FBXO8: variants seen among roughly 807,000 people sequenced by gnomAD.
The protein encoded by FBXO8 is F-box only protein 8.
Under a neutral mutation model 33.4 loss-of-function variants are expected in FBXO8, and 15 were observed. The ratio of observed to expected loss-of-function variants is 0.45; its 90% confidence interval spans 0.30 to 0.69. The LOEUF (loss-of-function observed/expected upper bound fraction) is 0.69. FBXO8 is among the 30% of genes least tolerant of loss of function. FBXO8 has a pLI of 0.08. For missense variants in FBXO8, 274 were observed against 380.3 expected, an observed-to-expected ratio of 0.72 and a Z score of 2.32; for synonymous variants, 132 against 131.5, an observed-to-expected ratio of 1.00 and a Z score of -0.02.
rs115054516 is a variant in FBXO8 at position 174,255,245 on chromosome 4, C to G, written c.456+4454G>C. 0.011 allele frequency among the ~76,000 whole-genome samples: 1,695 copies of G among 152,252 alleles called. 27 individuals carry two copies. Among genetic ancestry groups the G allele is most frequent in the African/African-American group, 0.038 (1,567 of 41,546 alleles). ...TAGAAGTTAAAGTTATTTTTCACCACTGTTGCTACGCTATGAAGTAATGGT... is the reference window on the plus strand; with the variant it reads ...TAGAAGTTAAAGTTATTTTTCACCAGTGTTGCTACGCTATGAAGTAATGGT... On this transcript the variant is annotated intron_variant, in intron 3 of 5. Coordinates refer to ENST00000393674, the MANE Select transcript of FBXO8 (RefSeq NM_012180.3). The surrounding 1 kb of genome is among the most constrained non-coding windows in gnomAD (Gnocchi z 4.3).
intron 1 of FBXO8, among the ~76,000 whole-genome samples, chr4:174,264,535 T>C (rs534571291): frequency 1.3e-5 from 2 of 152,264 alleles, no homozygotes; most frequent in South Asian, 4.1e-4. Context: ...CGGTCATTTG[T>C]TGATTAAAAC....
rs78658806 is a variant in FBXO8, at chr4:174,245,386, G to A, written c.457-4168C>T. Among the ~76,000 whole-genome samples the A allele has an allele frequency of 1.3e-5, 2 of 151,846 alleles. No individual in the cohort carries two copies. Among genetic ancestry groups the A allele is most frequent in the African/African-American group, 4.8e-5 (2 of 41,388 alleles). ...GGGGTTTAGACAAGGAATTTAAGGG[G>A]TTTAGACAGCTCTGAATGAGGGGAA... On this transcript the variant is annotated intron_variant, in intron 3 of 5. Transcript: ENST00000393674. The surrounding 1 kb of genome is among the most constrained non-coding windows in gnomAD (Gnocchi z 4.6).
At position 174,259,729 on chromosome 4, in the gene FBXO8, GCCTTCAT is replaced by G; in HGVS notation, c.419_425del (p.Asp140AlafsTer13). The G allele has an allele frequency of 6.2e-7, 1 of 1,611,784 alleles. No individual in the cohort carries two copies. On this transcript the variant is annotated frameshift_variant, in exon 3 of 6. Coordinates refer to ENST00000393674, the MANE Select transcript of FBXO8 (RefSeq NM_012180.3). LOFTEE classifies it high-confidence loss of function. This position sits in a 1 kb window ranked among gnomAD's most constrained non-coding sequence, Gnocchi z 4.3. Reference sequence around the variant, plus strand: ...CTGGGTTGGCATTAAAGGTGAGGCTGCCTTCATCCAGCTGCATATACAATTTTCTAAA... The same window carrying G: ...CTGGGTTGGCATTAAAGGTGAGGCTGCCAGCTGCATATACAATTTTCTAAA...
Position 174,245,683 on chromosome 4 carries a change from G to A in FBXO8, c.457-4465C>T, listed in dbSNP as rs1736142192. Among the ~76,000 whole-genome samples, 1 of 151,786 alleles carries A rather than the reference G, an allele frequency of 6.6e-6. No individual in the cohort carries two copies. The highest frequency in any genetic ancestry group is 2.1e-4 in the South Asian group (1 of 4,816). On this transcript the variant is annotated intron_variant, in intron 3 of 5. Transcript: ENST00000393674. The surrounding 1 kb of genome is among the most constrained non-coding windows in gnomAD (Gnocchi z 4.6). ...TGGCAGCAATATAAAGATAAATAAT[G>A]AAAGAAAAATTAGATAGTGGGCTAT...
At chr4:174,273,354 A>G (rs1579038003) in intron 1 of FBXO8, among the ~76,000 whole-genome samples, 1 of 135,174 alleles carries the variant, frequency 7.4e-6, no homozygotes, top group Admixed American at 7.1e-5. Context: ...AAAAGAAAAA[A>G]GGTGGAAGAA....
At position 174,283,626 on chromosome 4, in the gene FBXO8, C is replaced by T. The variant is rs1230922771; in HGVS notation, c.-225G>A. On this transcript the variant is annotated 5_prime_UTR_variant, in exon 1 of 6. Transcript: ENST00000393674. The surrounding 1 kb of genome is among the most constrained non-coding windows in gnomAD (Gnocchi z 6.7). ...CTCAGGGTACCTCCAGCTGCAGGGGCCAGAACTGCCGACTATCCCAATTTT... is the reference window on the plus strand; with the variant it reads ...CTCAGGGTACCTCCAGCTGCAGGGGTCAGAACTGCCGACTATCCCAATTTT... 2.0e-5 allele frequency: 7 copies of T among 351,934 alleles called. No individual in the cohort carries two copies. In the Admixed American group the frequency reaches 2.4e-4, roughly 12 times the overall value. 21.8% of individuals were successfully genotyped at this position (351,934 alleles called of 1,614,324 possible).
chr4:174,269,921 T>C (rs1736798205), intron 1 of FBXO8, among the ~76,000 whole-genome samples: 2 of 152,328 alleles, frequency 1.3e-5, no homozygotes, highest in South Asian at 4.1e-4. Flanking sequence ...ATTATAACCA[T>C]TTTAATACAG....
chr4:174,268,086 T>C (rs1736733090), intron 1 of FBXO8, among the ~76,000 whole-genome samples: 1 of 152,212 alleles, frequency 6.6e-6, no homozygotes, highest in Non-Finnish European at 1.5e-5. Flanking sequence ...AGAAACACGG[T>C]TGCTTCTTGT....
rs1400569551 is a variant in FBXO8 at position 174,241,379 on chromosome 4, ATTGT to A, written c.457-165_457-162del. 1.3e-5 allele frequency among the ~76,000 whole-genome samples: 2 copies of A among 151,674 alleles called. No individual in the cohort carries two copies. The highest frequency in any genetic ancestry group is 3.0e-5 in the Non-Finnish European group (2 of 67,658). ...ACAAGCTAGAACTTGAACTGAAACTATTGTTTGTGGTTGATAGTTTACATGCAAT... is the reference window on the plus strand; with the variant it reads ...ACAAGCTAGAACTTGAACTGAAACTATTGTGGTTGATAGTTTACATGCAAT... On this transcript the variant is annotated intron_variant, in intron 3 of 5. Coordinates refer to ENST00000393674, the MANE Select transcript of FBXO8 (RefSeq NM_012180.3). This position sits in a 1 kb window ranked among gnomAD's most constrained non-coding sequence, Gnocchi z 4.2.
Position 174,274,868 on chromosome 4 carries a change from A to C in FBXO8, c.-9+8542T>G, listed in dbSNP as rs1180033264. Among the ~76,000 whole-genome samples, 1 of 152,234 alleles carries C rather than the reference A, an allele frequency of 6.6e-6. No individual in the cohort carries two copies. Among genetic ancestry groups the C allele is most frequent in the Non-Finnish European group, 1.5e-5 (1 of 68,042 alleles). On this transcript the variant is annotated intron_variant, in intron 1 of 5. Transcript: ENST00000393674. This position sits in a 1 kb window ranked among gnomAD's most constrained non-coding sequence, Gnocchi z 4.0. ...TAAAAATTTTAGAAAAATACATAGAAGGAAATCTTTGGGGTCTAAGGCTAG... is the reference window on the plus strand; with the variant it reads ...TAAAAATTTTAGAAAAATACATAGACGGAAATCTTTGGGGTCTAAGGCTAG...
At chr4:174,269,674 G>C (rs556398613) in intron 1 of FBXO8, among the ~76,000 whole-genome samples, 2 of 131,120 alleles carry the variant, frequency 1.5e-5, no homozygotes, top group East Asian at 5.7e-4. Context: ...AGTGAGACTC[G>C]TCTCAAAAAA....
intron 1 of FBXO8, among the ~76,000 whole-genome samples, chr4:174,268,671 C>T (rs928452001): frequency 2.6e-5 from 4 of 152,118 alleles, no homozygotes; most frequent in Admixed American, 6.5e-5. Context: ...CTCCTGACCT[C>T]GTGATCCGCC....
At chr4:174,266,830 ATAAAGT>A (rs1736707383) in intron 1 of FBXO8, among the ~76,000 whole-genome samples, 1 of 152,258 alleles carries the variant, frequency 6.6e-6, no homozygotes, top group Non-Finnish European at 1.5e-5. Context: ...GATAATGTAC[ATAAAGT>A]TAATTTCATG....
At chr4:174,268,165 T>C (rs775909505) in intron 1 of FBXO8, among the ~76,000 whole-genome samples, 7 of 152,220 alleles carry the variant, frequency 4.6e-5, no homozygotes, top group Non-Finnish European at 1.0e-4. Flanking sequence ...CCATTGTTCC[T>C]AGGGAATTAC....
chr4:174,268,416 C>T (rs569013452), intron 1 of FBXO8, among the ~76,000 whole-genome samples: 3 of 151,800 alleles, frequency 2.0e-5, no homozygotes, highest in African/African-American at 4.8e-5. Flanking sequence ...GGCTTGGGGG[C>T]CATTTTTTGT....
In FBXO8 at chr4:174,256,864, A is replaced by C. The variant is rs1428913835; in HGVS notation, c.456+2835T>G. 6.6e-6 allele frequency among the ~76,000 whole-genome samples: 1 copy of C among 151,970 alleles called. No individual in the cohort carries two copies. Among genetic ancestry groups the C allele is most frequent in the Non-Finnish European group, 1.5e-5 (1 of 67,986 alleles). On this transcript the variant is annotated intron_variant, in intron 3 of 5. Transcript: ENST00000393674. The surrounding 1 kb of genome is among the most constrained non-coding windows in gnomAD (Gnocchi z 4.6). ...ACTACATGGCCCTTTTAGAATGATAAATTCAGTGCCTCTGGAATGTTCCAG... is the reference window on the plus strand; with the variant it reads ...ACTACATGGCCCTTTTAGAATGATACATTCAGTGCCTCTGGAATGTTCCAG...
intron 3 of FBXO8, among the ~76,000 whole-genome samples, chr4:174,244,918 T>C (rs1736123949): frequency 6.6e-6 from 1 of 151,780 alleles, no homozygotes; most frequent in African/African-American, 2.4e-5. Flanking sequence ...CAATTCACTT[T>C]ACATTTAGAT....
Position 174,262,787 on chromosome 4 carries a change from C to T in FBXO8, c.306G>A (p.Ala102=), listed in dbSNP as rs763345340. 3 of 1,613,460 alleles carry T rather than the reference C, an allele frequency of 1.9e-6. No homozygotes were observed. Among genetic ancestry groups the T allele is most frequent in the Non-Finnish European group, 2.5e-6 (3 of 1,179,532 alleles). ...CLASCVWQDL[A]NDELLWQGLC... The stretch of plus-strand genomic sequence containing the variant: ...ACCCTTGCCAGAGAAGTTCATCATT[C>T]GCAAGGTCCTGCCAAACACATGAAG... Residue 102 remains alanine, a synonymous_variant, in exon 2 of 6, where the codon GCG becomes GCA. Transcript: ENST00000393674. This position sits in a 1 kb window ranked among gnomAD's most constrained non-coding sequence, Gnocchi z 4.6.
rs1428380575 is a variant in FBXO8 at position 174,262,760 on chromosome 4, T to C, written c.329+4A>G. On this transcript the variant is annotated splice_donor_region_variant and intron_variant, in intron 2 of 5. Transcript: ENST00000393674. The surrounding 1 kb of genome is among the most constrained non-coding windows in gnomAD (Gnocchi z 4.6). ...TGAATTCAACTTTGGTGGGTTTAAC[T>C]TACCCTTGCCAGAGAAGTTCATCAT... 6.2e-7 allele frequency: 1 copy of C among 1,612,464 alleles called. No homozygotes were observed. The highest frequency in any genetic ancestry group is 1.1e-5 in the South Asian group (1 of 91,042).
Sources: allele counts gnomAD v4.1 joint callset (sites outside exome capture counted in the v4.1 genomes callset), GRCh38; gene constraint gnomAD v4.1.1; non-coding constraint Gnocchi (gnomAD v3.1); transcripts MANE v1.5; gene names NCBI Gene and HGNC (gene_info 2026-07-23, HGNC 2026-07-21).